IQUB: variants seen among roughly 807,000 people sequenced by gnomAD.
The protein encoded by IQUB is IQ motif and ubiquitin domain containing.
In IQUB, 86 loss-of-function variants were observed where a neutral mutation model predicts 86.4. The observed-to-expected ratio is 1.00, with a 90% CI of 0.84 to 1.19. IQUB has a LOEUF of 1.19. Ranked by LOEUF, IQUB falls within the 50% of genes most tolerant of loss-of-function variation. The pLI, the probability that IQUB is intolerant of heterozygous loss-of-function variation, is 0.00. For missense variants in IQUB, 946 were observed against 916.9 expected, an observed-to-expected ratio of 1.03 and a Z score of -0.41; for synonymous variants, 289 against 304.5, an observed-to-expected ratio of 0.95 and a Z score of 0.53.
chr7:123,461,502 C>G lies in IQUB; in HGVS notation c.1862G>C (p.Arg621Pro). ...TEFSVSSTSRRIYRCRNCINL... is the reference protein window; with the variant it reads ...TEFSVSSTSRPIYRCRNCINL... ...AATGCAGTTACGACACCGGTATATG[C>G]GGCGTGAGGTGGATGATACAGAAAA... Residue 621 changes from arginine to proline, a missense_variant, in exon 11 of 13, where the codon CGC becomes CCC. By Grantham distance (103) the Arg-to-Pro change is moderately radical (BLOSUM62 -2). Coordinates refer to ENST00000324698, the MANE Select transcript of IQUB (RefSeq NM_178827.5). 1 of 1,612,070 alleles carries G rather than the reference C, an allele frequency of 6.2e-7. No homozygotes were observed. The highest frequency in any genetic ancestry group is 8.5e-7 in the Non-Finnish European group (1 of 1,178,846).
chr7:123,457,002 G>A (rs1473984765), intron 12 of IQUB: 1 of 186,386 alleles, frequency 5.4e-6, no homozygotes, highest in Admixed American at 6.5e-5. Flanking sequence ...TGGTGGTAAT[G>A]CACATTTATT....
chr7:123,516,295 G>A (rs1250544140), intron 1 of IQUB, among the ~76,000 whole-genome samples: 1 of 152,126 alleles, frequency 6.6e-6, no homozygotes, highest in Non-Finnish European at 1.5e-5. Context: ...AAATATAAAT[G>A]CACTTTGGCT....
At chr7:123,510,104 A>T in intron 2 of IQUB, 69 bp from the exon 3 acceptor site, 1 of 961,348 alleles carries the variant, frequency 1.0e-6, no homozygotes, top group South Asian at 1.8e-5. Flanking sequence ...ACAGTCCACA[A>T]ACAGATACAG....
chr7:123,465,028 T>C lies in IQUB; in HGVS notation c.1582-19A>G, dbSNP rs114797665. On this transcript the variant is annotated intron_variant, in intron 9 of 12. Coordinates refer to ENST00000324698, the MANE Select transcript of IQUB (RefSeq NM_178827.5). ...CATGTTCCTATATAAAACACAAAAATATATGGTATAAAATTTTACAAATCA... is the reference window on the plus strand; with the variant it reads ...CATGTTCCTATATAAAACACAAAAACATATGGTATAAAATTTTACAAATCA... The C allele has an allele frequency of 4.1e-3, 5,920 of 1,461,044 alleles. 142 individuals are homozygous for C. The South Asian group carries it at 0.043, about 11-fold the overall frequency. The allele number at this position is 1,461,044 out of a possible 1,614,324, so 90.5% of individuals were successfully genotyped here. A position where few individuals can be genotyped will look rare whatever the true frequency, so the allele number is the denominator to read the frequency against.
Position 123,502,953 on chromosome 7 carries a change from C to A in IQUB, c.858G>T (p.Arg286Ser), listed in dbSNP as rs1796013119. The A allele has an allele frequency of 6.2e-7, 1 of 1,609,236 alleles. No homozygotes were observed. Among genetic ancestry groups the A allele is most frequent in the South Asian group, 1.1e-5 (1 of 90,506 alleles). The change falls in exon 5 of 13, where the codon AGG (arginine) becomes AGT (serine). Residue 286 changes from arginine (R) to serine (S), a missense_variant. Arg to Ser is a moderately radical substitution (Grantham distance 110, BLOSUM62 -1). Transcript: ENST00000324698. ...CAAATAAAAACATTACCTGCGTATC[C>A]CTACAAAATATACTGAGTCTTTCGG... ...RIPERLSIFC[R>S]DTQTVFQKKN...
chr7:123,491,519 A>G (rs531552998), intron 7 of IQUB, among the ~76,000 whole-genome samples: 9 of 152,318 alleles, frequency 5.9e-5, no homozygotes, highest in East Asian at 3.9e-4. Flanking sequence ...TATAGATCCT[A>G]TAGGTATTAA....
intron 7 of IQUB, among the ~76,000 whole-genome samples, chr7:123,488,415 CA>C (rs1795312268): frequency 6.6e-6 from 1 of 151,354 alleles, no homozygotes; most frequent in Non-Finnish European, 1.5e-5. Context: ...GGTCAAATAG[CA>C]AAATCAGGAA....
chr7:123,486,504 C>G (rs926126015), intron 7 of IQUB, among the ~76,000 whole-genome samples: 3 of 152,126 alleles, frequency 2.0e-5, no homozygotes, highest in African/African-American at 7.2e-5. Flanking sequence ...TGTGACTTAG[C>G]CTTGCTACCA....
chr7:123,457,606 A>G (rs112149016), intron 11 of IQUB, 40 bp from the exon 12 acceptor site: 2 of 1,458,482 alleles, frequency 1.4e-6, no homozygotes, highest in African/African-American at 1.4e-5. Flanking sequence ...TGTAGTTTAA[A>G]TTTGTTTAAG....
intron 3 of IQUB, among the ~76,000 whole-genome samples, chr7:123,507,298 A>C (rs1269828339): frequency 6.6e-6 from 1 of 152,238 alleles, no homozygotes; most frequent in Non-Finnish European, 1.5e-5. Context: ...TACATGAGAT[A>C]TTCAACACTT....
At chr7:123,509,622 C>T (rs1425895222) in intron 3 of IQUB, among the ~76,000 whole-genome samples, 4 of 152,168 alleles carry the variant, frequency 2.6e-5, no homozygotes, top group Non-Finnish European at 5.9e-5. Flanking sequence ...AGCGTTTACA[C>T]ATTACATGGT....
chr7:123,511,042 T>C lies in IQUB; in HGVS notation c.397+902A>G, dbSNP rs552562521. 5.0e-4 allele frequency among the ~76,000 whole-genome samples: 76 copies of C among 152,212 alleles called. 1 individual carries two copies. The highest frequency in any genetic ancestry group is 1.8e-3 in the African/African-American group (75 of 41,566). ...CCCAAAAATGAAACCCAAATTTACATTAAATACTAAAATTGAGAGATACCT... is the reference window on the plus strand; with the variant it reads ...CCCAAAAATGAAACCCAAATTTACACTAAATACTAAAATTGAGAGATACCT... On this transcript the variant is annotated intron_variant, in intron 2 of 12. Coordinates refer to ENST00000324698, the MANE Select transcript of IQUB (RefSeq NM_178827.5).
chr7:123,503,925 T>C (rs552700060), intron 3 of IQUB, among the ~76,000 whole-genome samples: 1 of 152,064 alleles, frequency 6.6e-6, no homozygotes, highest in Non-Finnish European at 1.5e-5. Context: ...TATAAATACA[T>C]AACAACCATG....
At chr7:123,453,009 C>T (rs1221054672) in intron 12 of IQUB, 84 bp from the exon 13 acceptor site, 2 of 969,924 alleles carry the variant, frequency 2.1e-6, no homozygotes, top group South Asian at 1.8e-5. Context: ...GGTGCCTTTG[C>T]TTGTCAATTC....
intron 9 of IQUB, among the ~76,000 whole-genome samples, chr7:123,468,525 G>A (rs1794364551): frequency 7.6e-6 from 1 of 132,390 alleles, no homozygotes; most frequent in African/African-American, 2.9e-5. Flanking sequence ...ATGCCCTTCT[G>A]GGGCAGCCCA....
In IQUB at chr7:123,502,665, T is replaced by C. The variant is rs559249621; in HGVS notation, c.955A>G (p.Thr319Ala). Reference sequence around the variant, plus strand: ...TTTCCTGGTGTTACCAGTTTATCAGTCATATTTGATACATATACACCAATG... The same window carrying C: ...TTTCCTGGTGTTACCAGTTTATCAGCCATATTTGATACATATACACCAATG... ...TNIGVYVSNM[T>A]DKLVTPGKYF... Residue 319 changes from threonine to alanine, a missense_variant, in exon 6 of 13, where the codon ACT becomes GCT. Coordinates refer to ENST00000324698, the MANE Select transcript of IQUB (RefSeq NM_178827.5). 7.4e-6 allele frequency: 12 copies of C among 1,612,112 alleles called. No individual in the cohort carries two copies. The South Asian group carries it at 1.1e-4, about 15-fold the overall frequency.
chr7:123,531,534 T>C (rs1797538145), intron 1 of IQUB, among the ~76,000 whole-genome samples: 1 of 152,244 alleles, frequency 6.6e-6, no homozygotes, highest in East Asian at 1.9e-4. Context: ...CAAGTCAGGA[T>C]TTCTGTTTTG....
At chr7:123,487,671 C>A (rs745888916) in intron 7 of IQUB, among the ~76,000 whole-genome samples, 27 of 152,126 alleles carry the variant, frequency 1.8e-4, no homozygotes, top group Admixed American at 6.5e-5. Context: ...CTCTATTCAC[C>A]GATAGAGCAA....
intron 9 of IQUB, among the ~76,000 whole-genome samples, chr7:123,467,762 C>G (rs1293103166): frequency 1.3e-5 from 2 of 152,178 alleles, no homozygotes; most frequent in Non-Finnish European, 2.9e-5. Flanking sequence ...CTGCCCTTGT[C>G]TGGGAACAGA....
Sources: allele counts gnomAD v4.1 joint callset (sites outside exome capture counted in the v4.1 genomes callset), GRCh38; gene constraint gnomAD v4.1.1; transcripts MANE v1.5; gene names NCBI Gene and HGNC (gene_info 2026-07-23, HGNC 2026-07-21).